MED27: variants seen among roughly 807,000 people sequenced by gnomAD.
MED27 encodes mediator of RNA polymerase II transcription subunit 27.
A neutral mutation model predicts 38.2 loss-of-function variants in MED27; 30 were observed. The observed-to-expected ratio is 0.79, with a 90% CI of 0.59 to 1.07. The LOEUF (loss-of-function observed/expected upper bound fraction) is 1.07, where lower values mean the gene tolerates loss of function less well. Among genes scored for constraint, MED27 ranks in the 50% least tolerant of loss-of-function variants. The probability of loss-of-function intolerance (pLI) is 0.00; values close to 1 mark genes in which losing one functional copy is unlikely to be tolerated. For missense variants in MED27, 289 were observed against 397.5 expected, an observed-to-expected ratio of 0.73 and a Z score of 2.32; for synonymous variants, 122 against 153.5, an observed-to-expected ratio of 0.79 and a Z score of 1.52.
intron 2 of MED27, among the ~76,000 whole-genome samples, chr9:132,049,786 C>T (rs1171748471): frequency 3.3e-5 from 5 of 152,142 alleles, no homozygotes; most frequent in Non-Finnish European, 7.3e-5. Context: ...CAGAAGCCCA[C>T]ATCACCCTAA....
At chr9:132,073,466 G>T in intron 2 of MED27, 4 of 1,151,174 alleles carry the variant, frequency 3.5e-6, no homozygotes, top group Non-Finnish European at 4.3e-6. Flanking sequence ...AGATGGACAT[G>T]GTGCCTCTCC....
At chr9:132,068,591 G>C (rs1024452359) in intron 2 of MED27, among the ~76,000 whole-genome samples, 15 of 152,122 alleles carry the variant, frequency 9.9e-5, no homozygotes, top group Non-Finnish European at 1.9e-4. Context: ...GTGAAGAGGG[G>C]AAATCAATAG....
chr9:131,901,194 A>G (rs1463319872), intron 4 of MED27, among the ~76,000 whole-genome samples: 2 of 152,186 alleles, frequency 1.3e-5, no homozygotes, highest in East Asian at 1.9e-4. Flanking sequence ...TCCTTCATAC[A>G]ATATTGAGAA....
chr9:132,008,738 T>C (rs1342989352), intron 3 of MED27, among the ~76,000 whole-genome samples: 1 of 152,242 alleles, frequency 6.6e-6, no homozygotes. Context: ...AGTTTTGCTG[T>C]AGCAGCCTTA....
intron 2 of MED27, among the ~76,000 whole-genome samples, chr9:132,039,775 G>C (rs1244879579): frequency 6.6e-6 from 1 of 152,178 alleles, no homozygotes; most frequent in East Asian, 1.9e-4. Flanking sequence ...GCTCCGTTCA[G>C]TGCTGGCCCT....
intron 3 of MED27, among the ~76,000 whole-genome samples, chr9:131,962,010 T>C (rs1221898221): frequency 6.6e-6 from 1 of 152,222 alleles, no homozygotes; most frequent in Non-Finnish European, 1.5e-5. Context: ...TCTAAATTTG[T>C]TACTCGATGG....
Position 131,997,969 on chromosome 9 carries a change from A to G in MED27, c.479+16368T>C, listed in dbSNP as rs1832129391. On this transcript the variant is annotated intron_variant, in intron 3 of 7. Coordinates refer to ENST00000292035, the MANE Select transcript of MED27 (RefSeq NM_004269.4). The surrounding 1 kb of genome is among the most constrained non-coding windows in gnomAD (Gnocchi z 4.0). ...AGTCTATAAATCTGGGCTCATTTGT[A>G]GAACAGAAATATCTGTTCCCACTGG... Among the ~76,000 whole-genome samples the G allele has an allele frequency of 6.6e-6, 1 of 152,220 alleles. No individual in the cohort carries two copies. The highest frequency in any genetic ancestry group is 2.4e-5 in the African/African-American group (1 of 41,466).
At chr9:132,050,421 G>T (rs1029893229) in intron 2 of MED27, among the ~76,000 whole-genome samples, 1 of 152,200 alleles carries the variant, frequency 6.6e-6, no homozygotes, top group African/African-American at 2.4e-5. Flanking sequence ...TGCTGACACA[G>T]CCCGTGGGAA....
intron 6 of MED27, among the ~76,000 whole-genome samples, chr9:131,868,264 A>C (rs1422020321): frequency 6.6e-6 from 1 of 152,074 alleles, no homozygotes; most frequent in Admixed American, 6.5e-5. Flanking sequence ...ACTAACTTGG[A>C]GATAGGTGCT....
chr9:131,954,122 A>G (rs1831049429), intron 3 of MED27, among the ~76,000 whole-genome samples: 1 of 152,150 alleles, frequency 6.6e-6, no homozygotes. Flanking sequence ...TTTTTAAAAA[A>G]GTTTTCATGC....
rs946059268 is a variant in MED27, at chr9:131,935,293, G to A, written c.573+4088C>T. On this transcript the variant is annotated intron_variant, in intron 4 of 7. Coordinates refer to ENST00000292035, the MANE Select transcript of MED27 (RefSeq NM_004269.4). ...AGATATCCATTTACCAGGATTTGAT[G>A]ATTACACATCACAGGCCTGTATCAA... Among the ~76,000 whole-genome samples the A allele has an allele frequency of 2.0e-5, 3 of 152,100 alleles. 1 individual carries two copies. Among genetic ancestry groups the A allele is most frequent in the South Asian group, 4.2e-4 (2 of 4,818 alleles).
At chr9:131,939,586 AT>A (rs1482512615) in intron 3 of MED27, 112 bp from the exon 4 acceptor site, 2 of 580,210 alleles carry the variant, frequency 3.4e-6, no homozygotes, top group Non-Finnish European at 2.8e-6. Flanking sequence ...AATATAACAC[AT>A]TTTTAAGAAG....
intron 3 of MED27, among the ~76,000 whole-genome samples, chr9:131,941,821 T>A (rs1830791448): frequency 1.6e-5 from 2 of 123,808 alleles, no homozygotes; most frequent in African/African-American, 6.4e-5. Context: ...TGCTGAATTT[T>A]TTTTTTTTTT....
intron 6 of MED27, among the ~76,000 whole-genome samples, chr9:131,864,856 C>T (rs1248947409): frequency 6.6e-6 from 1 of 152,220 alleles, no homozygotes; most frequent in African/African-American, 2.4e-5. Context: ...GAGTAAGGCT[C>T]GTGAGAGGAC....
At position 132,000,285 on chromosome 9, in the gene MED27, T is replaced by C. The variant is rs185446187; in HGVS notation, c.479+14052A>G. Among the ~76,000 whole-genome samples, 3 of 152,162 alleles carry C rather than the reference T, an allele frequency of 2.0e-5. 1 individual carries two copies. Among genetic ancestry groups the C allele is most frequent in the African/African-American group, 4.8e-5 (2 of 41,512 alleles). On this transcript the variant is annotated intron_variant, in intron 3 of 7. Coordinates refer to ENST00000292035, the MANE Select transcript of MED27 (RefSeq NM_004269.4). The stretch of plus-strand genomic sequence containing the variant: ...CACCATTACTCATTACGGAAATTCA[T>C]GTTAAACCACAATGAGATACCACTG...
intron 4 of MED27, among the ~76,000 whole-genome samples, chr9:131,932,841 G>A (rs1419075134): frequency 6.6e-6 from 1 of 152,090 alleles, no homozygotes; most frequent in Admixed American, 6.5e-5. Context: ...CAATATTTCT[G>A]ATGATTATTG....
chr9:131,891,876 GT>G (rs1436015441), intron 5 of MED27, among the ~76,000 whole-genome samples: 2 of 152,120 alleles, frequency 1.3e-5, no homozygotes, highest in Non-Finnish European at 2.9e-5. Context: ...GGGGGGCCCA[GT>G]TTGAGAGTTA....
At chr9:132,038,439 G>A (rs371284077) in intron 2 of MED27, among the ~76,000 whole-genome samples, 3 of 151,456 alleles carry the variant, frequency 2.0e-5, no homozygotes, top group African/African-American at 4.8e-5. Context: ...TGATCCGCCC[G>A]CCTCGGCCTC....
At chr9:132,048,835 T>C (rs567532460) in intron 2 of MED27, among the ~76,000 whole-genome samples, 2 of 152,320 alleles carry the variant, frequency 1.3e-5, no homozygotes, top group South Asian at 4.1e-4. Flanking sequence ...AAAGAGACCA[T>C]TTCTAAACCA....
Sources: gnomAD v4.1 joint callset for allele counts (sites outside exome capture counted in the v4.1 genomes callset) on GRCh38, gnomAD v4.1.1 for gene constraint, Gnocchi (gnomAD v3.1) non-coding constraint, MANE v1.5 for transcripts, NCBI Gene and HGNC (gene_info 2026-07-23, HGNC 2026-07-21) for gene names.